Variants in KCNIP4 observed in about 807,000 individuals in gnomAD.
KCNIP4 encodes the protein Kv channel-interacting protein 4.
Under a neutral mutation model 34.0 loss-of-function variants are expected in KCNIP4, and 12 were observed. That is an observed-to-expected ratio of 0.35 (90% confidence interval 0.23 to 0.57). The LOEUF (loss-of-function observed/expected upper bound fraction) is 0.57. Among genes scored for constraint, KCNIP4 ranks in the 20% least tolerant of loss-of-function variants. KCNIP4 has a pLI of 0.83. For synonymous variants in KCNIP4, 124 were observed against 102.2 expected (o/e 1.21, Z -1.29); for missense variants, 238 against 311.7 (o/e 0.76, Z 1.78).
At chr4:21,862,399 T>C (rs927267921) in intron 1 of KCNIP4, among the ~76,000 whole-genome samples, 22 of 152,296 alleles carry the variant, frequency 1.4e-4, no homozygotes, top group Non-Finnish European at 1.0e-4. Context: ...TTCTCTGTTC[T>C]AAGGGAGCTT....
chr4:21,912,592 T>C (rs1728398863), intron 1 of KCNIP4, among the ~76,000 whole-genome samples: 1 of 151,996 alleles, frequency 6.6e-6, no homozygotes, highest in Admixed American at 6.6e-5. Flanking sequence ...GAGGCGTCTA[T>C]GAAGGTTTCC....
At chr4:21,915,411 CT>C (rs1728574047) in intron 1 of KCNIP4, among the ~76,000 whole-genome samples, 3 of 152,132 alleles carry the variant, frequency 2.0e-5, no homozygotes. Flanking sequence ...CTCATCCAAT[CT>C]TTTTAACAAC....
At chr4:21,870,593 A>G (rs1402377233) in intron 1 of KCNIP4, among the ~76,000 whole-genome samples, 1 of 152,236 alleles carries the variant, frequency 6.6e-6, no homozygotes, top group Non-Finnish European at 1.5e-5. Context: ...GCTCCCATAA[A>G]AAGAATTCCT....
chr4:20,821,360 G>C (rs914763744), intron 3 of KCNIP4, among the ~76,000 whole-genome samples: 1 of 152,122 alleles, frequency 6.6e-6, no homozygotes, highest in Non-Finnish European at 1.5e-5. Flanking sequence ...TATTTTGTAA[G>C]CATTTAACTT....
intron 1 of KCNIP4, among the ~76,000 whole-genome samples, chr4:21,815,862 G>T (rs1300281849): frequency 5.3e-5 from 8 of 152,176 alleles, no homozygotes; most frequent in Non-Finnish European, 1.2e-4. Context: ...TAGACTACCA[G>T]CTGGTATGAT....
intron 1 of KCNIP4, among the ~76,000 whole-genome samples, chr4:21,264,718 G>A (rs1051758333): frequency 6.6e-6 from 1 of 152,128 alleles, no homozygotes; most frequent in African/African-American, 2.4e-5. Context: ...ATAAATGAAA[G>A]ATATTATGGG....
rs1219595387 is a variant in KCNIP4, at chr4:21,234,245, CAT to C, written c.62-351538_62-351537del. Among the ~76,000 whole-genome samples the C allele has an allele frequency of 1.7e-4, 18 of 106,172 alleles. 1 individual carries two copies. Among genetic ancestry groups the C allele is most frequent in the African/African-American group, 4.9e-4 (13 of 26,356 alleles). The allele number at this position is 106,172 out of a possible 152,430, so 69.7% of individuals were successfully genotyped here. A position where few individuals can be genotyped will look rare whatever the true frequency, so the allele number is the denominator to read the frequency against. On this transcript the variant is annotated intron_variant, in intron 1 of 8. Transcript: ENST00000382152. ...TATAACATATATAACATATATATAA[CAT>C]ATATTATATATAACATATATAACAT...
intron 1 of KCNIP4, among the ~76,000 whole-genome samples, chr4:21,244,881 G>A (rs1200968470): frequency 6.6e-6 from 1 of 152,086 alleles, no homozygotes; most frequent in Non-Finnish European, 1.5e-5. Context: ...TATTGCTTAT[G>A]CACTATTAAA....
chr4:21,056,456 G>A (rs752522640), intron 1 of KCNIP4, among the ~76,000 whole-genome samples: 7 of 152,086 alleles, frequency 4.6e-5, no homozygotes, highest in East Asian at 1.9e-4. Context: ...AAATTGTCAC[G>A]TATTTGTCCA....
chr4:21,368,120 T>A (rs1344713517), intron 1 of KCNIP4, among the ~76,000 whole-genome samples: 1 of 147,086 alleles, frequency 6.8e-6, no homozygotes, highest in East Asian at 2.0e-4. Context: ...TCACTTTTAG[T>A]TGGGGAGTCT....
intron 1 of KCNIP4, among the ~76,000 whole-genome samples, chr4:21,371,778 C>G (rs1720473728): frequency 6.8e-6 from 1 of 147,000 alleles, no homozygotes; most frequent in Non-Finnish European, 1.5e-5. Flanking sequence ...TTATGTAAAT[C>G]TAAATATTGA....
intron 6 of KCNIP4, among the ~76,000 whole-genome samples, chr4:20,734,318 T>C (rs1431440619): frequency 6.6e-6 from 1 of 152,166 alleles, no homozygotes; most frequent in Non-Finnish European, 1.5e-5. Flanking sequence ...TCAGGCTAAA[T>C]GTTGAAACAT....
chr4:21,127,401 C>A (rs538916186), intron 1 of KCNIP4, among the ~76,000 whole-genome samples: 1 of 152,296 alleles, frequency 6.6e-6, no homozygotes, highest in Non-Finnish European at 1.5e-5. Context: ...GAAACGAAAT[C>A]TTATTCAACC....
chr4:21,148,550 T>G (rs191576642), intron 1 of KCNIP4, among the ~76,000 whole-genome samples: 2 of 152,280 alleles, frequency 1.3e-5, no homozygotes, highest in East Asian at 3.9e-4. Context: ...ATTATTTTAT[T>G]AATTTAAAAA....
chr4:21,038,160 T>C (rs542835897), intron 1 of KCNIP4, among the ~76,000 whole-genome samples: 1 of 152,068 alleles, frequency 6.6e-6, no homozygotes, highest in Admixed American at 6.5e-5. Context: ...TTATTTTTAG[T>C]AGAGAAGGGT....
intron 1 of KCNIP4, among the ~76,000 whole-genome samples, chr4:21,148,615 T>C (rs1752550139): frequency 6.6e-6 from 1 of 152,050 alleles, no homozygotes; most frequent in African/African-American, 2.4e-5. Flanking sequence ...TTCATTGTTT[T>C]TCCTGTATCA....
intron 1 of KCNIP4, among the ~76,000 whole-genome samples, chr4:21,705,426 A>G (rs1216016857): frequency 3.9e-5 from 6 of 152,166 alleles, no homozygotes; most frequent in African/African-American, 1.4e-4. Flanking sequence ...CTAATCTACA[A>G]TTATACCCAA....
chr4:21,529,390 GT>G (rs1736478479), intron 1 of KCNIP4, among the ~76,000 whole-genome samples: 1 of 152,172 alleles, frequency 6.6e-6, no homozygotes, highest in Non-Finnish European at 1.5e-5. Flanking sequence ...GTTCCAGACA[GT>G]GGTTAAAGCA....
rs562862040 is a variant in KCNIP4, at chr4:21,447,056, C to T, written c.61+501515G>A. 4.9e-4 allele frequency among the ~76,000 whole-genome samples: 75 copies of T among 152,156 alleles called. No individual in the cohort carries two copies. The Middle Eastern group carries it at 0.01, about 21-fold the overall frequency. On this transcript the variant is annotated intron_variant, in intron 1 of 8. Coordinates refer to ENST00000382152, the MANE Select transcript of KCNIP4 (RefSeq NM_025221.6). The stretch of plus-strand genomic sequence containing the variant: ...ACTGTTATCTGAATTTCTAGCCTGT[C>T]GGCCTGCCCTACAAGTTTTATACTT...
Sources: allele counts gnomAD v4.1 joint callset (sites outside exome capture counted in the v4.1 genomes callset), GRCh38; gene constraint gnomAD v4.1.1; transcripts MANE v1.5; gene names NCBI Gene and HGNC (gene_info 2026-07-23, HGNC 2026-07-21).